The following NRG3 variants were observed in gnomAD, a reference collection of about 807,000 sequenced individuals.
NRG3 encodes the protein neuregulin 3, also known as pro-neuregulin-3, membrane-bound isoform.
A neutral mutation model predicts 66.9 loss-of-function variants in NRG3; 31 were observed. That is an observed-to-expected ratio of 0.46 (90% confidence interval 0.35 to 0.63). The LOEUF (loss-of-function observed/expected upper bound fraction) is 0.63, where lower values mean the gene tolerates loss of function less well. Among genes scored for constraint, NRG3 ranks in the 20% least tolerant of loss-of-function variants. The pLI is 0.00. For missense variants in NRG3, 910 were observed against 878.9 expected (o/e 1.04, Z -0.45); for synonymous variants, 393 against 359.4 (o/e 1.09, Z -1.06).
intron 1 of NRG3, among the ~76,000 whole-genome samples, chr10:82,214,967 C>G (rs1275111731): frequency 1.3e-5 from 2 of 152,144 alleles, no homozygotes; most frequent in Non-Finnish European, 1.5e-5. Flanking sequence ...CAGTCTTGAT[C>G]ATTCCCCATT....
At chr10:81,911,531 G>A (rs1430947158) in intron 1 of NRG3, among the ~76,000 whole-genome samples, 1 of 151,518 alleles carries the variant, frequency 6.6e-6, no homozygotes, top group Non-Finnish European at 1.5e-5. Context: ...AGGTACAGCA[G>A]GTCAAGTCCC....
At chr10:82,359,376 T>C (rs1411088920) in intron 2 of NRG3, among the ~76,000 whole-genome samples, 2 of 152,210 alleles carry the variant, frequency 1.3e-5, no homozygotes, top group Non-Finnish European at 2.9e-5. Context: ...TCAGTACTTT[T>C]TCTTAACACC....
intron 1 of NRG3, among the ~76,000 whole-genome samples, chr10:82,128,467 G>C (rs1437003561): frequency 6.6e-6 from 1 of 152,008 alleles, no homozygotes; most frequent in African/African-American, 2.4e-5. Context: ...TTCCCAGTAA[G>C]TGCCTCCTGT....
chr10:82,541,826 C>T (rs762165800), intron 2 of NRG3, among the ~76,000 whole-genome samples: 39 of 152,168 alleles, frequency 2.6e-4, no homozygotes, highest in Non-Finnish European at 4.1e-4. Flanking sequence ...CTGCAGTCCA[C>T]CGATACCAGT....
chr10:82,789,509 G>A (rs1465630383), intron 3 of NRG3, among the ~76,000 whole-genome samples: 1 of 151,938 alleles, frequency 6.6e-6, no homozygotes, highest in Non-Finnish European at 1.5e-5. Context: ...CTCTATTTTG[G>A]TTGATGTTTG....
chr10:82,026,148 G>T (rs1389523730), intron 1 of NRG3, among the ~76,000 whole-genome samples: 2 of 151,936 alleles, frequency 1.3e-5, no homozygotes, highest in Non-Finnish European at 2.9e-5. Context: ...CAAATGAAAA[G>T]ACCCCATAAC....
At chr10:82,212,790 A>C (rs1176559639) in intron 1 of NRG3, among the ~76,000 whole-genome samples, 4 of 152,214 alleles carry the variant, frequency 2.6e-5, no homozygotes, top group African/African-American at 9.6e-5. Context: ...TTCAGTCTCT[A>C]TAAATTATAT....
intron 1 of NRG3, among the ~76,000 whole-genome samples, chr10:82,084,051 A>T (rs1187333145): frequency 6.6e-6 from 1 of 151,742 alleles, no homozygotes; most frequent in African/African-American, 2.4e-5. Context: ...AACATGGCGA[A>T]ATCCCATCTC....
chr10:81,883,576 T>C (rs901185032), intron 1 of NRG3, among the ~76,000 whole-genome samples: 2 of 152,156 alleles, frequency 1.3e-5, no homozygotes, highest in African/African-American at 4.8e-5. Context: ...CATACGAACA[T>C]TTTTTTAAAG....
chr10:82,094,343 CAG>C (rs1293276275), intron 1 of NRG3, among the ~76,000 whole-genome samples: 1 of 152,132 alleles, frequency 6.6e-6, no homozygotes, highest in African/African-American at 2.4e-5. Context: ...CAAAATATAA[CAG>C]ATGCCGATGA....
intron 2 of NRG3, among the ~76,000 whole-genome samples, chr10:82,643,128 C>T (rs566888119): frequency 5.9e-5 from 9 of 152,158 alleles, no homozygotes; most frequent in African/African-American, 2.2e-4. Context: ...TCTTTGAAGA[C>T]ATGTGATATG....
Position 81,915,028 on chromosome 10 carries a change from T to G in NRG3, c.823+38865T>G, listed in dbSNP as rs143148493. On this transcript the variant is annotated intron_variant, in intron 1 of 8. Coordinates refer to ENST00000372141, the MANE Select transcript of NRG3 (RefSeq NM_001010848.4). ...ATCCTGTGAAGGCTCCAGTTTTGTT[T>G]TTATCAAAGATCACGTGGAGAAATG... Among the ~76,000 whole-genome samples the G allele has an allele frequency of 3.6e-4, 55 of 152,330 alleles. 1 individual carries two copies. The East Asian group carries it at 9.8e-3, about 27-fold the overall frequency.
At chr10:82,130,652 C>T (rs1287189622) in intron 1 of NRG3, among the ~76,000 whole-genome samples, 1 of 152,160 alleles carries the variant, frequency 6.6e-6, no homozygotes. Flanking sequence ...GATTTGCCTT[C>T]CTACCACAAA....
chr10:82,836,259 A>G (rs986205505), intron 3 of NRG3, among the ~76,000 whole-genome samples: 2 of 152,090 alleles, frequency 1.3e-5, no homozygotes, highest in African/African-American at 4.8e-5. Context: ...CTGGCCTTTT[A>G]TAAAAAAAAA....
At position 82,123,805 on chromosome 10, in the gene NRG3, TG is replaced by T. The variant is rs2068249579; in HGVS notation, c.824-234932del. Among the ~76,000 whole-genome samples the T allele has an allele frequency of 2.6e-5, 4 of 152,230 alleles. No individual in the cohort carries two copies. The South Asian group carries it at 8.3e-4, about 32-fold the overall frequency. On this transcript the variant is annotated intron_variant, in intron 1 of 8. Transcript: ENST00000372141. ...GAAAACCTTAAAAGGTATAAATGCC[TG>T]GTCCCACCCCAGAGCTCTGGAGCAT...
At chr10:82,562,140 G>T (rs757755030) in intron 2 of NRG3, among the ~76,000 whole-genome samples, 1 of 152,038 alleles carries the variant, frequency 6.6e-6, no homozygotes, top group Admixed American at 6.6e-5. Context: ...GAAATATTAC[G>T]GTGCTAAATT....
intron 2 of NRG3, among the ~76,000 whole-genome samples, chr10:82,362,492 G>A (rs1208365931): frequency 6.8e-6 from 1 of 147,186 alleles, no homozygotes; most frequent in Non-Finnish European, 1.5e-5. Context: ...TCCCTACACA[G>A]CCTTCTGAGT....
At position 82,741,607 on chromosome 10, in the gene NRG3, G is replaced by A. The variant is rs1032743972; in HGVS notation, c.1027+2957G>A. ...ATTTTATTAAACCCTCACAATCACA[G>A]TTTAGTAAGGAGACTGCTGACAATT... On this transcript the variant is annotated intron_variant, in intron 3 of 8. Transcript: ENST00000372141. Among the ~76,000 whole-genome samples, 4 of 152,132 alleles carry A rather than the reference G, an allele frequency of 2.6e-5. No homozygotes were observed. The South Asian group carries it at 8.3e-4, about 31-fold the overall frequency.
intron 2 of NRG3, among the ~76,000 whole-genome samples, chr10:82,445,678 A>G (rs780301967): frequency 6.6e-6 from 1 of 152,118 alleles, no homozygotes; most frequent in Non-Finnish European, 1.5e-5. Context: ...TACTGATTCT[A>G]TACCCTAAAC....
Sources: allele counts gnomAD v4.1 joint callset (sites outside exome capture counted in the v4.1 genomes callset), GRCh38; gene constraint gnomAD v4.1.1; transcripts MANE v1.5; gene names NCBI Gene and HGNC (gene_info 2026-07-23, HGNC 2026-07-21).